Variants in ADAD1 observed in about 807,000 individuals in gnomAD.
ADAD1 encodes adenosine deaminase domain containing 1, also known as adenosine deaminase domain-containing protein 1.
In ADAD1, 46 loss-of-function variants were observed where a neutral mutation model predicts 66.8. That is an observed-to-expected ratio of 0.69 (90% CI 0.54 to 0.88). The LOEUF is 0.88. Among genes scored for constraint, ADAD1 ranks in the 40% least tolerant of loss-of-function variants. The pLI, the probability that ADAD1 is intolerant of heterozygous loss-of-function variation, is 0.00. For missense variants in ADAD1, 617 were observed against 681.8 expected, an observed-to-expected ratio of 0.91 and a Z score of 1.06; for synonymous variants, 248 against 229.4, an observed-to-expected ratio of 1.08 and a Z score of -0.73.
chr4:122,382,834 A>G (rs992656064), intron 4 of ADAD1, among the ~76,000 whole-genome samples: 2 of 152,190 alleles, frequency 1.3e-5, no homozygotes, highest in African/African-American at 4.8e-5. Context: ...GAACTTGGGA[A>G]ACTGAAGTCT....
intron 4 of ADAD1, among the ~76,000 whole-genome samples, chr4:122,382,483 C>A (rs1277761034): frequency 1.3e-5 from 2 of 152,044 alleles, no homozygotes; most frequent in Non-Finnish European, 2.9e-5. Flanking sequence ...TAGATAGAGG[C>A]TCTCACTCTG....
rs1056820559 is a variant in ADAD1, at chr4:122,380,464, C to A, written c.172+223C>A. 1.6e-5 allele frequency: 8 copies of A among 501,938 alleles called. No homozygotes were observed. In the East Asian group the frequency reaches 2.5e-4, roughly 16 times the overall value. 31.1% of individuals were successfully genotyped at this position (501,938 alleles called of 1,614,324 possible). On this transcript the variant is annotated intron_variant, in intron 3 of 12. Transcript: ENST00000296513. The stretch of plus-strand genomic sequence containing the variant: ...TCTGTTACCACCTTGACTGTTCAAA[C>A]CCCCCCCTTCAAGTGTGGCTTGCCT...
chr4:122,404,968 A>G (rs1796141877), intron 7 of ADAD1, among the ~76,000 whole-genome samples: 1 of 152,142 alleles, frequency 6.6e-6, no homozygotes, highest in Non-Finnish European at 1.5e-5. Context: ...GCAATAACAA[A>G]CAAGTATCTC....
intron 7 of ADAD1, among the ~76,000 whole-genome samples, chr4:122,402,035 T>C (rs1277851362): frequency 1.3e-5 from 2 of 150,326 alleles, no homozygotes; most frequent in African/African-American, 2.5e-5. Context: ...ATCATAGTAG[T>C]TGTTGCCTGA....
At chr4:122,408,566 G>A (rs530225994) in intron 8 of ADAD1, among the ~76,000 whole-genome samples, 1 of 152,190 alleles carries the variant, frequency 6.6e-6, no homozygotes, top group South Asian at 2.1e-4. Flanking sequence ...GTGAGCCACC[G>A]CACCCGGCCA....
intron 7 of ADAD1, among the ~76,000 whole-genome samples, chr4:122,396,705 A>G (rs1392059264): frequency 1.3e-5 from 2 of 152,182 alleles, no homozygotes; most frequent in Non-Finnish European, 2.9e-5. Context: ...GAAATATGGA[A>G]TCTTATTCTT....
intron 11 of ADAD1, among the ~76,000 whole-genome samples, chr4:122,417,702 A>G (rs2150592773): frequency 6.6e-6 from 1 of 152,306 alleles, no homozygotes; most frequent in Non-Finnish European, 1.5e-5. Context: ...TATAAAATGT[A>G]CCTAGTCCTC....
chr4:122,405,813 T>C (rs1391208144), intron 7 of ADAD1, among the ~76,000 whole-genome samples: 1 of 152,192 alleles, frequency 6.6e-6, no homozygotes, highest in Non-Finnish European at 1.5e-5. Context: ...ATTCCACATA[T>C]GAGTGAGATT....
At chr4:122,408,459 A>G (rs1016584253) in intron 8 of ADAD1, among the ~76,000 whole-genome samples, 1 of 152,180 alleles carries the variant, frequency 6.6e-6, no homozygotes, top group African/African-American at 2.4e-5. Flanking sequence ...GTATTTTAGT[A>G]GAGACAAGGT....
chr4:122,387,582 A>G (rs1219098579), intron 5 of ADAD1, among the ~76,000 whole-genome samples: 1 of 152,118 alleles, frequency 6.6e-6, no homozygotes, highest in Non-Finnish European at 1.5e-5. Context: ...TATGTTGAAT[A>G]GGAGTTCAAC....
intron 7 of ADAD1, among the ~76,000 whole-genome samples, chr4:122,404,967 A>G (rs1372793047): frequency 6.6e-6 from 1 of 152,164 alleles, no homozygotes; most frequent in Non-Finnish European, 1.5e-5. Context: ...GGCAATAACA[A>G]ACAAGTATCT....
At chr4:122,388,755 CTCT>C (rs769173616) in intron 5 of ADAD1, among the ~76,000 whole-genome samples, 4 of 151,738 alleles carry the variant, frequency 2.6e-5, no homozygotes, top group East Asian at 1.9e-4. Flanking sequence ...TGATTCTTTT[CTCT>C]TCTTCTTTAT....
chr4:122,380,874 A>T (rs748356747), intron 3 of ADAD1, 118 bp from the exon 4 acceptor site: 1 of 941,652 alleles, frequency 1.1e-6, no homozygotes, highest in Non-Finnish European at 1.5e-6. Context: ...AAACTTAAGA[A>T]AAACATATGA....
chr4:122,414,019 T>A (rs1796596791), intron 10 of ADAD1, among the ~76,000 whole-genome samples: 1 of 150,468 alleles, frequency 6.6e-6, no homozygotes, highest in Admixed American at 6.6e-5. Flanking sequence ...TTTAGATATT[T>A]ATTTTCTAGG....
intron 7 of ADAD1, 96 bp downstream of exon 7, chr4:122,396,473 T>A: frequency 1.9e-6 from 2 of 1,037,900 alleles, no homozygotes; most frequent in Non-Finnish European, 2.6e-6. Context: ...GGTGTTGCAT[T>A]GATTTGAAGT....
intron 4 of ADAD1, among the ~76,000 whole-genome samples, chr4:122,381,960 T>TTA (rs763386483): frequency 1.1e-4 from 16 of 152,194 alleles, no homozygotes; most frequent in Admixed American, 3.3e-4. Flanking sequence ...CTAAATAACT[T>TTA]TAACATGTCA....
intron 5 of ADAD1, among the ~76,000 whole-genome samples, chr4:122,385,095 G>C (rs948345916): frequency 5.9e-5 from 9 of 152,110 alleles, no homozygotes; most frequent in African/African-American, 2.2e-4. Context: ...AAAGGATGTA[G>C]AAGATAAGAG....
At chr4:122,409,342 C>T (rs1222210688) in intron 8 of ADAD1, among the ~76,000 whole-genome samples, 1 of 152,014 alleles carries the variant, frequency 6.6e-6, no homozygotes, top group Non-Finnish European at 1.5e-5. Context: ...TTTAATTCTT[C>T]TTTATTCCTA....
chr4:122,399,552 T>A (rs13108723), intron 7 of ADAD1, among the ~76,000 whole-genome samples: 32,843 of 151,950 alleles, frequency 0.22, 3,937 homozygotes, highest in Non-Finnish European at 0.28. Flanking sequence ...GGAATTGCAT[T>A]GAATCTGTAG....
Sources: allele counts gnomAD v4.1 joint callset (sites outside exome capture counted in the v4.1 genomes callset), GRCh38; gene constraint gnomAD v4.1.1; transcripts MANE v1.5; gene names NCBI Gene and HGNC (gene_info 2026-07-23, HGNC 2026-07-21).